Variants in ARFIP1 observed in about 807,000 individuals in gnomAD.
ARFIP1 encodes arfaptin-1.
Under a neutral mutation model 42.5 loss-of-function variants are expected in ARFIP1, and 24 were observed. That is an observed-to-expected ratio of 0.57 (90% confidence interval 0.41 to 0.80). The LOEUF is 0.80. ARFIP1 is among the 30% of genes least tolerant of loss of function. ARFIP1 has a pLI of 0.00. For synonymous variants in ARFIP1, 141 were observed against 153.7 expected (o/e 0.92, Z 0.61); for missense variants, 354 against 434.0 (o/e 0.82, Z 1.64).
At chr4:152,881,778 A>G (rs1735867631) in intron 6 of ARFIP1, among the ~76,000 whole-genome samples, 1 of 152,192 alleles carries the variant, frequency 6.6e-6, no homozygotes, top group African/African-American at 2.4e-5. Context: ...TTTTAGCATA[A>G]TAAGGATAAT....
intron 8 of ARFIP1, among the ~76,000 whole-genome samples, chr4:152,902,558 A>AT (rs1158092514): frequency 2.6e-5 from 4 of 152,142 alleles, no homozygotes; most frequent in Non-Finnish European, 4.4e-5. Flanking sequence ...GTAATGCATT[A>AT]TGTGTCATAT....
At chr4:152,872,146 C>T (rs536706982) in intron 4 of ARFIP1, among the ~76,000 whole-genome samples, 2 of 151,932 alleles carry the variant, frequency 1.3e-5, no homozygotes, top group Non-Finnish European at 2.9e-5. Flanking sequence ...TTTTATTTTT[C>T]TTGAAGTAAG....
chr4:152,840,713 C>A (rs1466919058), intron 2 of ARFIP1, among the ~76,000 whole-genome samples: 1 of 107,782 alleles, frequency 9.3e-6, no homozygotes, highest in Non-Finnish European at 1.8e-5. Context: ...GGCTCTGTAT[C>A]TTTTTTTTTT....
intron 8 of ARFIP1, among the ~76,000 whole-genome samples, chr4:152,901,664 C>T (rs774730577): frequency 1.3e-4 from 20 of 152,082 alleles, no homozygotes; most frequent in Admixed American, 4.6e-4. Context: ...TTCTTTTGCT[C>T]CTGTTTTAAA....
chr4:152,873,498 A>T (rs7677027), intron 5 of ARFIP1, among the ~76,000 whole-genome samples: 6,606 of 152,308 alleles, frequency 0.043, 177 homozygotes, highest in South Asian at 0.11. Context: ...TTAGCTCATG[A>T]AAGTGTAGAA....
chr4:152,783,182 C>T (rs1247756532), intron 1 of ARFIP1, among the ~76,000 whole-genome samples: 1 of 152,022 alleles, frequency 6.6e-6, no homozygotes, highest in Non-Finnish European at 1.5e-5. Flanking sequence ...GTGTTGCATG[C>T]CTGTAGTCCC....
At chr4:152,909,826 G>T (rs965257739) in intron 8 of ARFIP1, among the ~76,000 whole-genome samples, 4 of 152,062 alleles carry the variant, frequency 2.6e-5, no homozygotes, top group Non-Finnish European at 4.4e-5. Flanking sequence ...GGTTAATAGG[G>T]TATATATTTG....
intron 2 of ARFIP1, among the ~76,000 whole-genome samples, chr4:152,847,121 G>GTTTTTTTTTTTTT (rs1561139273): frequency 2.1e-5 from 1 of 48,180 alleles, no homozygotes; most frequent in African/African-American, 8.0e-5. Context: ...TTTTAGGTTT[G>GTTTTTTTTTTTTT]TTCTTTTTTT....
intron 1 of ARFIP1, among the ~76,000 whole-genome samples, chr4:152,785,656 A>G (rs966063727): frequency 3.3e-5 from 5 of 152,232 alleles, no homozygotes; most frequent in Non-Finnish European, 5.9e-5. Context: ...GAAAATGGAA[A>G]GGATGTTTTT....
At chr4:152,789,490 T>G (rs75667748) in intron 1 of ARFIP1, among the ~76,000 whole-genome samples, 2,416 of 152,310 alleles carry the variant, frequency 0.016, 60 homozygotes, top group African/African-American at 0.055. Context: ...AGTTACTCTG[T>G]TTTCCCCCTC....
intron 2 of ARFIP1, among the ~76,000 whole-genome samples, chr4:152,854,529 T>C (rs747242016): frequency 2.0e-5 from 3 of 152,216 alleles, no homozygotes; most frequent in Non-Finnish European, 4.4e-5. Context: ...GTATTATATT[T>C]CCTTGCTTGT....
chr4:152,848,914 T>G (rs988768065), intron 2 of ARFIP1, among the ~76,000 whole-genome samples: 3 of 152,204 alleles, frequency 2.0e-5, no homozygotes, highest in African/African-American at 7.2e-5. Context: ...ATAAAAAATG[T>G]AGTAGCTCGG....
intron 3 of ARFIP1, among the ~76,000 whole-genome samples, chr4:152,864,913 C>CTTTTTTTTT (rs34123163): frequency 5.3e-5 from 6 of 112,476 alleles, no homozygotes; most frequent in Non-Finnish European, 7.4e-5. Flanking sequence ...CTTTTTTAAA[C>CTTTTTTTTT]TTTTTTTTTT....
At chr4:152,904,556 A>AC (rs1277781541) in intron 8 of ARFIP1, among the ~76,000 whole-genome samples, 2 of 151,472 alleles carry the variant, frequency 1.3e-5, no homozygotes, top group South Asian at 4.2e-4. Context: ...TCCTCCGGCA[A>AC]CCCCCCGACA....
intron 7 of ARFIP1, among the ~76,000 whole-genome samples, chr4:152,884,284 G>T (rs1363996695): frequency 6.6e-6 from 1 of 151,888 alleles, no homozygotes; most frequent in Non-Finnish European, 1.5e-5. Context: ...TCAGTAATTG[G>T]TGTTTCAGTC....
chr4:152,839,351 A>T (rs1731885489), intron 2 of ARFIP1, among the ~76,000 whole-genome samples: 1 of 152,082 alleles, frequency 6.6e-6, no homozygotes, highest in Admixed American at 6.5e-5. Context: ...TGTCAAAAGG[A>T]TTGGTACCAA....
At chr4:152,851,453 G>GT (rs2149866330) in intron 2 of ARFIP1, among the ~76,000 whole-genome samples, 1 of 152,312 alleles carries the variant, frequency 6.6e-6, no homozygotes, top group Admixed American at 6.5e-5. Context: ...AATTCATGTT[G>GT]TTGGAATGGA....
chr4:152,861,446 G>C (rs552731444), intron 2 of ARFIP1, among the ~76,000 whole-genome samples: 1 of 152,224 alleles, frequency 6.6e-6, no homozygotes, highest in African/African-American at 2.4e-5. Flanking sequence ...ATTGAAAACA[G>C]TGAAAAACTT....
intron 1 of ARFIP1, among the ~76,000 whole-genome samples, chr4:152,785,039 CTCA>C (rs1024809644): frequency 2.0e-5 from 3 of 152,250 alleles, no homozygotes; most frequent in African/African-American, 7.2e-5. Flanking sequence ...GCCTGAGATA[CTCA>C]TCATGGCACA....
Sources: gnomAD v4.1 joint callset for allele counts (sites outside exome capture counted in the v4.1 genomes callset) on GRCh38, gnomAD v4.1.1 for gene constraint, MANE v1.5 for transcripts, NCBI Gene and HGNC (gene_info 2026-07-23, HGNC 2026-07-21) for gene names.